RPS6KC1: variants seen among roughly 807,000 people sequenced by gnomAD.
RPS6KC1 encodes the protein ribosomal protein S6 kinase C1, also known as inactive ribosomal protein S6 kinase delta-1.
In RPS6KC1, 54 loss-of-function variants were observed where a neutral mutation model predicts 103.8. That is an observed-to-expected ratio of 0.52 (90% CI 0.42 to 0.65). The LOEUF is 0.65. RPS6KC1 is among the 30% of genes least tolerant of loss of function. The pLI is 0.00. For missense variants in RPS6KC1, 1,151 were observed against 1,253.8 expected (o/e 0.92, Z 1.24); for synonymous variants, 439 against 438.7 (o/e 1.00, Z -0.01).
At chr1:213,363,686 CTTTCTTTCTTTCTTTCCTT>C in the RPS6KC1 span, among the ~76,000 whole-genome samples, 257 of 102,928 alleles carry the variant, frequency 2.5e-3, 43 homozygotes, top group African/African-American at 0.013. Flanking sequence ...TTCTTTCTTT[CTTTCTTTCTTTCTTTCCTT>C]CTTTCTTTCT....
the RPS6KC1 span, among the ~76,000 whole-genome samples, chr1:213,549,567 TTTTTC>T: frequency 1.3e-5 from 2 of 151,560 alleles, no homozygotes; most frequent in South Asian, 4.2e-4. Context: ...GAGGCAGGCA[TTTTTC>T]TTTTCTTTTC....
intron 12 of RPS6KC1, among the ~76,000 whole-genome samples, chr1:213,259,717 T>C (rs1046600135): frequency 5.3e-5 from 8 of 150,958 alleles, no homozygotes; most frequent in African/African-American, 1.9e-4. Flanking sequence ...TAAGTATATG[T>C]AGGTGTTGTT....
At chr1:213,146,029 C>A (rs920629736) in intron 6 of RPS6KC1, among the ~76,000 whole-genome samples, 9 of 146,560 alleles carry the variant, frequency 6.1e-5, no homozygotes, top group African/African-American at 1.3e-4. Flanking sequence ...CCTGTAACCC[C>A]CCCACTACCC....
intron 3 of RPS6KC1, among the ~76,000 whole-genome samples, chr1:213,082,856 GAAATA>G (rs2080027956): frequency 6.6e-6 from 1 of 152,170 alleles, no homozygotes; most frequent in Non-Finnish European, 1.5e-5. Context: ...AGCCCAGTGT[GAAATA>G]AAATGTTTTT....
the RPS6KC1 span, among the ~76,000 whole-genome samples, chr1:213,285,502 G>T: frequency 6.6e-6 from 1 of 151,682 alleles, no homozygotes; most frequent in African/African-American, 2.4e-5. Flanking sequence ...AAAGTTACCT[G>T]TAGAAATATG....
chr1:213,775,527 T>C, the RPS6KC1 span, among the ~76,000 whole-genome samples: 1 of 152,222 alleles, frequency 6.6e-6, no homozygotes, highest in African/African-American at 2.4e-5. Flanking sequence ...AATAGCATTA[T>C]AACTAAATAA....
intron 8 of RPS6KC1, among the ~76,000 whole-genome samples, chr1:213,199,871 G>A (rs894338431): frequency 2.6e-5 from 4 of 152,040 alleles, no homozygotes; most frequent in Admixed American, 2.0e-4. Flanking sequence ...AATCCAGAAT[G>A]TAATCCCATT....
At chr1:213,689,972 T>C in the RPS6KC1 span, among the ~76,000 whole-genome samples, 32,757 of 152,086 alleles carry the variant, frequency 0.22, 6,281 homozygotes, top group African/African-American at 0.52. Context: ...CCCCTTTCTC[T>C]GCTCCAGCTC....
At chr1:213,276,626 T>G (rs2095113066), downstream of RPS6KC1, among the ~76,000 whole-genome samples, 1 of 152,212 alleles carries the variant, frequency 6.6e-6, no homozygotes. Context: ...AAAGGCAAGG[T>G]TAATGAAAGT....
chr1:213,143,346 T>C (rs1438666404), intron 6 of RPS6KC1, among the ~76,000 whole-genome samples: 1 of 152,020 alleles, frequency 6.6e-6, no homozygotes, highest in Non-Finnish European at 1.5e-5. Flanking sequence ...TTATTTGTTA[T>C]GTATTTTTTT....
intron 10 of RPS6KC1, among the ~76,000 whole-genome samples, 184 bp downstream of exon 10, chr1:213,232,439 G>T (rs1446092236): frequency 1.3e-5 from 2 of 152,140 alleles, no homozygotes; most frequent in Non-Finnish European, 2.9e-5. Flanking sequence ...GTGAACAACA[G>T]ATTTCATGTG....
At chr1:213,745,712 C>T in the RPS6KC1 span, among the ~76,000 whole-genome samples, 175 of 152,272 alleles carry the variant, frequency 1.1e-3, no homozygotes, top group Non-Finnish European at 2.1e-3. Flanking sequence ...AGGATCCCAA[C>T]ACGCTCTTGC....
chr1:213,165,177 A>G (rs914784941), intron 6 of RPS6KC1, among the ~76,000 whole-genome samples: 3 of 152,044 alleles, frequency 2.0e-5, no homozygotes, highest in Admixed American at 1.3e-4. Context: ...GCTGCTGTTG[A>G]TCAGCAGTGA....
At chr1:213,185,787 C>G (rs1173266065) in intron 8 of RPS6KC1, among the ~76,000 whole-genome samples, 1 of 147,606 alleles carries the variant, frequency 6.8e-6, no homozygotes, top group Non-Finnish European at 1.5e-5. Flanking sequence ...TCTTGTCTTC[C>G]TTTGTGGTTC....
the RPS6KC1 span, chr1:213,428,905 C>T: frequency 6.4e-6 from 1 of 156,404 alleles, no homozygotes; most frequent in Non-Finnish European, 1.4e-5. Context: ...TCTGGAATTC[C>T]CATCTCTTTC....
the RPS6KC1 span, chr1:213,835,784 A>T: frequency 6.6e-6 from 1 of 152,304 alleles, no homozygotes; most frequent in South Asian, 2.1e-4. Flanking sequence ...AGTGAGGCTG[A>T]GATGAGTGAG....
At chr1:213,523,739 A>G in the RPS6KC1 span, among the ~76,000 whole-genome samples, 1 of 152,258 alleles carries the variant, frequency 6.6e-6, no homozygotes, top group Non-Finnish European at 1.5e-5. Flanking sequence ...AACTGCTGTA[A>G]GTGGTAAGTA....
chr1:213,681,175 G>C, the RPS6KC1 span, among the ~76,000 whole-genome samples: 88 of 152,256 alleles, frequency 5.8e-4, no homozygotes, highest in African/African-American at 1.8e-3. Context: ...CTCCCTAGGA[G>C]CCCCCACCTC....
chr1:213,637,010 A>G, the RPS6KC1 span, among the ~76,000 whole-genome samples: 1 of 152,258 alleles, frequency 6.6e-6, no homozygotes, highest in Non-Finnish European at 1.5e-5. Flanking sequence ...GACACATGAA[A>G]GAATGCTCAT....
Sources: allele counts gnomAD v4.1 joint callset (sites outside exome capture counted in the v4.1 genomes callset), GRCh38; gene constraint gnomAD v4.1.1; transcripts MANE v1.5; gene names NCBI Gene and HGNC (gene_info 2026-07-23, HGNC 2026-07-21).